Variants in APC observed in about 807,000 individuals in gnomAD.
APC encodes the protein adenomatous polyposis coli protein.
A neutral mutation model predicts 247.0 loss-of-function variants in APC; 72 were observed. That is an observed-to-expected ratio of 0.29 (90% CI 0.24 to 0.35). The LOEUF is 0.35. APC is among the 10% of genes least tolerant of loss of function. The probability of loss-of-function intolerance (pLI) is 1.00; values close to 1 mark genes in which losing one functional copy is unlikely to be tolerated. For missense variants in APC, 3,400 were observed against 3,360.7 expected, an observed-to-expected ratio of 1.01 and a Z score of -0.29; for synonymous variants, 1,254 against 1,162.5, an observed-to-expected ratio of 1.08 and a Z score of -1.60.
rs75433044 is a variant in APC at position 112,754,267 on chromosome 5, C to G, written c.-18-606C>G. On this transcript the variant is annotated intron_variant, in intron 1 of 15. Coordinates refer to ENST00000257430, the MANE Select transcript of APC (RefSeq NM_000038.6). ...TTAGTAATTCTTATTTACCATCTTC[C>G]TATCAAAAAGGCTTAAAGTCTTCAT... Among the ~76,000 whole-genome samples, 185 of 152,322 alleles carry G rather than the reference C, an allele frequency of 1.2e-3. 1 individual carries two copies. The highest frequency in any genetic ancestry group is 4.4e-3 in the African/African-American group (182 of 41,580).
At chr5:112,760,984 T>A (rs1755591692) in intron 2 of APC, among the ~76,000 whole-genome samples, 1 of 152,116 alleles carries the variant, frequency 6.6e-6, no homozygotes, top group Non-Finnish European at 1.5e-5. Flanking sequence ...TAATTTTTTG[T>A]ATTTTTAGTA....
rs1554084963 is a variant in APC, at chr5:112,838,951, T to C, written c.3357T>C (p.His1119=). The C allele has an allele frequency of 6.2e-7, 1 of 1,614,072 alleles. No individual in the cohort carries two copies. Residue 1119 remains histidine, a synonymous_variant, in exon 16 of 16, where the codon CAT becomes CAC. Coordinates refer to ENST00000257430, the MANE Select transcript of APC (RefSeq NM_000038.6). ...GSETNRVGSN[H]GINQNVSQSL... ...AAACAAATCGAGTGGGTTCTAATCA[T>C]GGAATTAATCAAAATGTAAGCCAGT... is the stretch of plus-strand genomic sequence containing the variant.
chr5:112,727,900 A>T (rs1456954504), intron 1 of APC, among the ~76,000 whole-genome samples: 2 of 152,060 alleles, frequency 1.3e-5, no homozygotes, highest in African/African-American at 2.4e-5. Context: ...TGAAGAAGAC[A>T]TACTTAAATA....
rs1316677795 is a variant in APC, at chr5:112,838,796, T to C, written c.3202T>C (p.Ser1068Pro). Residue 1068 changes from serine to proline, a missense_variant, in exon 16 of 16, where the codon TCA becomes CCA. By Grantham distance (74) the Ser-to-Pro change is moderately conservative. Around this residue, in one of 9 missense-constraint regions of APC, gnomAD observed 715 missense variants for 656.6 expected, o/e 1.09. Coordinates refer to ENST00000257430, the MANE Select transcript of APC (RefSeq NM_000038.6). ...AATAAAACAAAGTGAGCAAAGACAA[T>C]CAAGGAATCAAAGTACAACTTATCC... is the stretch of plus-strand genomic sequence containing the variant. Reference protein sequence around the residue: ...DEIKQSEQRQSRNQSTTYPVY... With the variant: ...DEIKQSEQRQPRNQSTTYPVY... The C allele has an allele frequency of 1.2e-6, 2 of 1,613,846 alleles. No individual in the cohort carries two copies. The highest frequency in any genetic ancestry group is 8.5e-7 in the Non-Finnish European group (1 of 1,179,998).
chr5:112,744,396 G>A (rs148116712), intron 1 of APC, among the ~76,000 whole-genome samples: 25 of 152,188 alleles, frequency 1.6e-4, no homozygotes, highest in South Asian at 1.0e-3. Flanking sequence ...TATGGCTGTC[G>A]CTGAGTAAAG....
At chr5:112,716,326 A>T (rs562035908) in intron 1 of APC, among the ~76,000 whole-genome samples, 2 of 152,170 alleles carry the variant, frequency 1.3e-5, no homozygotes, top group Non-Finnish European at 2.9e-5. Flanking sequence ...GTTATGATTT[A>T]TACTTTGACT....
chr5:112,740,830 A>G (rs1752931455), intron 1 of APC, among the ~76,000 whole-genome samples: 1 of 151,842 alleles, frequency 6.6e-6, no homozygotes, highest in South Asian at 2.1e-4. Context: ...AAGTTTTTCC[A>G]TTTGCATTAA....
chr5:112,776,768 G>C (rs1459699116), intron 5 of APC, among the ~76,000 whole-genome samples: 2 of 152,122 alleles, frequency 1.3e-5, no homozygotes, highest in African/African-American at 2.4e-5. Context: ...TTGAACCTGG[G>C]AGGCAGAGGT....
intron 1 of APC, among the ~76,000 whole-genome samples, chr5:112,714,394 C>CT (rs1751037638): frequency 6.6e-6 from 1 of 152,196 alleles, no homozygotes; most frequent in Non-Finnish European, 1.5e-5. Context: ...AGAGATTGAT[C>CT]TATATTCTTA....
chr5:112,839,606 C>G lies in APC; in HGVS notation c.4012C>G (p.Gln1338Glu), dbSNP rs121913327. ...CCCTAGAACCAAATCCAGCAGACTG[C>G]AGGGTTCTAGTTTATCTTCAGAATC... ...QHPRTKSSRL[Q>E]GSSLSSESAR... Residue 1338 changes from glutamine (Q) to glutamate (E), a missense_variant, in exon 16 of 16, where the codon CAG becomes GAG. Gln to Glu is a conservative substitution (Grantham distance 29). This residue lies in a region of APC where 715 missense variants were observed against 656.6 expected (regional missense o/e 1.09). Transcript: ENST00000257430. This position sits in a 1 kb window ranked among gnomAD's most constrained non-coding sequence, Gnocchi z 5.0. 6.2e-7 allele frequency: 1 copy of G among 1,614,144 alleles called. No homozygotes were observed. The highest frequency in any genetic ancestry group is 8.5e-7 in the Non-Finnish European group (1 of 1,180,016).
At chr5:112,712,946 G>A (rs1581008687) in intron 1 of APC, among the ~76,000 whole-genome samples, 2 of 152,102 alleles carry the variant, frequency 1.3e-5, no homozygotes, top group Non-Finnish European at 2.9e-5. Context: ...TGAGGCGGGC[G>A]GATCACTTGA....
intron 4 of APC, among the ~76,000 whole-genome samples, chr5:112,772,202 C>T (rs193299492): frequency 9.3e-4 from 141 of 152,206 alleles, no homozygotes; most frequent in Non-Finnish European, 1.4e-3. Flanking sequence ...TTAAAGAAGA[C>T]CATTGGCAAT....
At position 112,838,439 on chromosome 5, in the gene APC, A is replaced by T. The variant is rs587781348; in HGVS notation, c.2845A>T (p.Met949Leu). 6.2e-7 allele frequency: 1 copy of T among 1,614,116 alleles called. No individual in the cohort carries two copies. Among genetic ancestry groups the T allele is most frequent in the Non-Finnish European group, 8.5e-7 (1 of 1,180,052 alleles). Residue 949 changes from methionine (M) to leucine (L), a missense_variant, in exon 16 of 16, where the codon ATG becomes TTG. Physicochemically the swap from Met to Leu is conservative, Grantham distance 15 (BLOSUM62 2). Transcript: ENST00000257430. ...GGAAAATTCAAATAGGACATGTTCT[A>T]TGCCTTATGCCAAATTAGAATACAA... Reference protein sequence around the residue: ...KSENSNRTCSMPYAKLEYKRS... With the variant: ...KSENSNRTCSLPYAKLEYKRS...
At chr5:112,799,374 G>A (rs1269422072) in intron 7 of APC, among the ~76,000 whole-genome samples, 6 of 151,864 alleles carry the variant, frequency 4.0e-5, no homozygotes, top group Non-Finnish European at 8.8e-5. Context: ...AAGGAATGTA[G>A]GAGTAATACT....
intron 1 of APC, chr5:112,707,960 A>G (rs1026259879): frequency 9.4e-6 from 12 of 1,273,302 alleles, no homozygotes; most frequent in Admixed American, 2.9e-5. Context: ...TCGGGACCCT[A>G]CGGTGCTCGG....
chr5:112,754,790 T>C (rs1754766610), intron 1 of APC, 83 bp from the exon 2 acceptor site: 1 of 1,319,002 alleles, frequency 7.6e-7, no homozygotes, highest in African/African-American at 1.5e-5. Context: ...TTAAGAGTTT[T>C]GTTTCCTTTA....
In APC at chr5:112,820,842, T is replaced by C. The variant is rs187500063; in HGVS notation, c.1313-1054T>C. ...TAACTTTTTGTATTAGAGATCACAT[T>C]TGTACATAGCCACATGCTTTTTTTC... On this transcript the variant is annotated intron_variant, in intron 10 of 15. Coordinates refer to ENST00000257430, the MANE Select transcript of APC (RefSeq NM_000038.6). 3.3e-4 allele frequency among the ~76,000 whole-genome samples: 51 copies of C among 152,242 alleles called. No individual in the cohort carries two copies. The East Asian group carries it at 9.1e-3, about 27-fold the overall frequency.
chr5:112,749,517 C>T lies in APC; in HGVS notation c.-18-5356C>T, dbSNP rs185830089. Among the ~76,000 whole-genome samples, 71 of 117,806 alleles carry T rather than the reference C, an allele frequency of 6.0e-4. 2 individuals are homozygous for T. The East Asian group carries it at 0.018, about 30-fold the overall frequency. 77.3% of individuals were successfully genotyped at this position (117,806 alleles called of 152,430 possible). ...TTTTTTTTTTTGATATGGAGTCTTGCTCTGTCACCCAGGCTGGAGTGCAGT... is the reference window on the plus strand; with the variant it reads ...TTTTTTTTTTTGATATGGAGTCTTGTTCTGTCACCCAGGCTGGAGTGCAGT... On this transcript the variant is annotated intron_variant, in intron 1 of 15. Transcript: ENST00000257430.
Position 112,842,860 on chromosome 5 carries a change from T to A in APC, c.7266T>A (p.Thr2422=), listed in dbSNP as rs554878484. 1.9e-5 allele frequency: 31 copies of A among 1,613,974 alleles called. No homozygotes were observed. The South Asian group carries it at 3.0e-4, about 15-fold the overall frequency. Residue 2422 remains threonine (T), a synonymous_variant, in exon 16 of 16, where the codon ACT becomes ACA. Coordinates refer to ENST00000257430, the MANE Select transcript of APC (RefSeq NM_000038.6). ...TAGAACTTTCTAGAATGTCTTCAAC[T>A]AAATCAAGTGGAAGTGAATCTGATA... is the stretch of plus-strand genomic sequence containing the variant. ...KKVELSRMSS[T]KSSGSESDRS... is the part of the protein sequence containing the mutation.
Sources: allele counts gnomAD v4.1 joint callset (sites outside exome capture counted in the v4.1 genomes callset), GRCh38; gene constraint gnomAD v4.1.1; regional missense constraint gnomAD v4.1.1; non-coding constraint Gnocchi (gnomAD v3.1); transcripts MANE v1.5; gene names NCBI Gene and HGNC (gene_info 2026-07-23, HGNC 2026-07-21).